Variants in VWDE observed in about 807,000 individuals in gnomAD.
VWDE encodes the protein von Willebrand factor D and EGF domain-containing protein.
Under a neutral mutation model 178.4 loss-of-function variants are expected in VWDE, and 207 were observed. The observed-to-expected ratio is 1.16, with a 90% CI of 1.04 to 1.30. VWDE has a LOEUF of 1.30. VWDE is among the 50% of genes most tolerant of loss of function. The pLI is 0.00. For missense variants in VWDE, 2,287 were observed against 1,901.3 expected, an observed-to-expected ratio of 1.20 and a Z score of -3.77; for synonymous variants, 738 against 651.4, an observed-to-expected ratio of 1.13 and a Z score of -2.02.
intron 13 of VWDE, among the ~76,000 whole-genome samples, chr7:12,363,634 G>A (rs1782698693): frequency 6.6e-6 from 1 of 151,996 alleles, no homozygotes; most frequent in South Asian, 2.1e-4. Context: ...AATATAGTAA[G>A]GATTAACCAG....
chr7:12,402,541 T>C (rs1784951811), intron 1 of VWDE, among the ~76,000 whole-genome samples: 1 of 152,190 alleles, frequency 6.6e-6, no homozygotes, highest in African/African-American at 2.4e-5. Flanking sequence ...ATGCGGTCTA[T>C]AGTAAACATG....
Position 12,370,336 on chromosome 7 carries a change from C to A in VWDE, c.1970G>T (p.Ser657Ile). ...ALGCKDLNHV[S>I]LSSLIPELDV... ...TAGTTCTGGTATCAAAGAAGATAAG[C>A]TGACATGATTGAGGTCTTTGCAACC... The change falls in exon 12 of 29, where the codon AGC (serine) becomes ATC (isoleucine). Residue 657 changes from serine (S) to isoleucine (I), a missense_variant. Transcript: ENST00000275358. 6.4e-7 allele frequency: 1 copy of A among 1,551,202 alleles called. No individual in the cohort carries two copies. Among genetic ancestry groups the A allele is most frequent in the Non-Finnish European group, 8.7e-7 (1 of 1,146,816 alleles).
Position 12,340,421 on chromosome 7 carries a change from A to G in VWDE, c.4271-4T>C. On this transcript the variant is annotated splice_region_variant and splice_polypyrimidine_tract_variant and intron_variant, in intron 23 of 28. Transcript: ENST00000275358. ...AGGCAGACAGGGTCGCACAAAGCTA[A>G]TAAACAGCAGGAGGAAAAGAGAACA... is the stretch of plus-strand genomic sequence containing the variant. 2 of 1,546,758 alleles carry G rather than the reference A, an allele frequency of 1.3e-6. No homozygotes were observed. Among genetic ancestry groups the G allele is most frequent in the African/African-American group, 2.7e-5 (2 of 72,956 alleles).
chr7:12,392,783 G>C (rs998163829), intron 2 of VWDE, among the ~76,000 whole-genome samples: 3 of 145,926 alleles, frequency 2.1e-5, no homozygotes, highest in African/African-American at 7.6e-5. Context: ...TGTAAAAAGA[G>C]TGAACGTTAC....
intron 19 of VWDE, among the ~76,000 whole-genome samples, chr7:12,344,717 C>G (rs1253223610): frequency 1.3e-5 from 2 of 152,006 alleles, no homozygotes; most frequent in Non-Finnish European, 2.9e-5. Context: ...TCTATGTTGC[C>G]AAAGCCAAAA....
At chr7:12,334,148 T>C (rs977893596) in intron 27 of VWDE, among the ~76,000 whole-genome samples, 1 of 152,140 alleles carries the variant, frequency 6.6e-6, no homozygotes, top group Non-Finnish European at 1.5e-5. Context: ...CTATTTATCA[T>C]CTACCTGTAG....
In VWDE at chr7:12,367,426, C is replaced by G. The variant is rs763095843; in HGVS notation, c.2829G>C (p.Met943Ile). 74 of 1,546,710 alleles carry G rather than the reference C, an allele frequency of 4.8e-5. No homozygotes were observed. The highest frequency in any genetic ancestry group is 6.0e-5 in the Non-Finnish European group (69 of 1,144,474). Residue 943 changes from methionine (M) to isoleucine (I), a missense_variant, in exon 13 of 29, where the codon ATG (methionine) becomes ATC (isoleucine). Physicochemically the swap from Met to Ile is conservative, Grantham distance 10 (BLOSUM62 1). Transcript: ENST00000275358. ...GFCDVQKYNC[M>I]MVRVFGKGFK... ...AGCCTTTGCCAAAAACTCTCACCAT[C>G]ATACAATTATATTTTTGAACATCAC...
chr7:12,337,433 T>C (rs139497483), intron 24 of VWDE, among the ~76,000 whole-genome samples, 161 bp from the exon 25 acceptor site: 1,619 of 152,320 alleles, frequency 0.011, 19 homozygotes, highest in Non-Finnish European at 0.015. Flanking sequence ...AATCATGAAA[T>C]GCAATGCTTA....
At chr7:12,334,818 T>C (rs1345067998) in intron 27 of VWDE, among the ~76,000 whole-genome samples, 1 of 152,222 alleles carries the variant, frequency 6.6e-6, no homozygotes, top group Non-Finnish European at 1.5e-5. Context: ...TCTCTTATGG[T>C]CCGCATAGAG....
chr7:12,366,525 A>C (rs944967978), intron 13 of VWDE, among the ~76,000 whole-genome samples: 1 of 152,220 alleles, frequency 6.6e-6, no homozygotes, highest in Non-Finnish European at 1.5e-5. Flanking sequence ...TTATTACTTC[A>C]TTGGGATTAA....
At chr7:12,382,408 G>T (rs1011393802) in intron 4 of VWDE, among the ~76,000 whole-genome samples, 5 of 151,402 alleles carry the variant, frequency 3.3e-5, no homozygotes, top group Admixed American at 2.0e-4. Context: ...TAATTAAACT[G>T]ACCTCCACAT....
At position 12,333,456 on chromosome 7, in the gene VWDE, C is replaced by T. The variant is rs6460929; in HGVS notation, c.4758+9G>A. ...CTAATATTTATTTTCTCTTTAAACTCTGAAATACCTGTATTTTCTTCTCAC... is the reference window on the plus strand; with the variant it reads ...CTAATATTTATTTTCTCTTTAAACTTTGAAATACCTGTATTTTCTTCTCAC... On this transcript the variant is annotated intron_variant, in intron 28 of 28. Coordinates refer to ENST00000275358, the MANE Select transcript of VWDE (RefSeq NM_001135924.3). 905,292 of 1,513,328 alleles carry T rather than the reference C, an allele frequency of 0.6. 275,359 individuals carry two copies. Among genetic ancestry groups the T allele is most frequent in the African/African-American group, 0.9 (64,731 of 72,112 alleles). The allele number at this position is 1,513,328 out of a possible 1,614,324, so 93.7% of individuals were successfully genotyped here.
chr7:12,403,796 T>G lies in VWDE; in HGVS notation c.-80A>C. ...AGGAGGATGGGGCCACAGCAGCCCC[T>G]CGGGCCTCCTTTCTTGGATTTTCTC... is the stretch of plus-strand genomic sequence containing the variant. On this transcript the variant is annotated 5_prime_UTR_variant, in exon 1 of 29. Transcript: ENST00000275358. The G allele has an allele frequency of 6.3e-6, 9 of 1,433,440 alleles. No homozygotes were observed. The highest frequency in any genetic ancestry group is 8.6e-6 in the Non-Finnish European group (9 of 1,045,744). 88.8% of individuals were successfully genotyped at this position (1,433,440 alleles called of 1,614,324 possible).
chr7:12,333,833 C>G (rs1780866585), intron 27 of VWDE: 3 of 288,620 alleles, frequency 1.0e-5, no homozygotes, highest in African/African-American at 4.4e-5. Context: ...ATTTCATTGG[C>G]TACATTTTGA....
At chr7:12,339,568 A>G (rs972161961) in intron 24 of VWDE, among the ~76,000 whole-genome samples, 1 of 152,146 alleles carries the variant, frequency 6.6e-6, no homozygotes, top group Non-Finnish European at 1.5e-5. Context: ...AATCCTAGCC[A>G]ACATCCAAAA....
chr7:12,340,545 T>C (rs1051692575), intron 23 of VWDE, 128 bp from the exon 24 acceptor site: 4 of 621,020 alleles, frequency 6.4e-6, no homozygotes, highest in Admixed American at 3.3e-5. Flanking sequence ...CCATAATGTA[T>C]AATTAATTAG....
At chr7:12,353,537 C>T (rs1273395729) in intron 18 of VWDE, among the ~76,000 whole-genome samples, 3 of 152,202 alleles carry the variant, frequency 2.0e-5, no homozygotes, top group Admixed American at 6.5e-5. Flanking sequence ...AAACCAATCA[C>T]TGGCCAAGTA....
At position 12,361,407 on chromosome 7, in the gene VWDE, C is replaced by G; in HGVS notation, c.3013G>C (p.Asp1005His). 1 of 1,550,956 alleles carries G rather than the reference C, an allele frequency of 6.4e-7. No homozygotes were observed. Among genetic ancestry groups the G allele is most frequent in the Non-Finnish European group, 8.7e-7 (1 of 1,146,620 alleles). ...PTDVQQFDTM[D>H]LVGGKPTGKW... ...CCAGTTGGTTTCCCACCCACCAGAT[C>G]CATGGTATCAAACTGCTGAACATCA... The change falls in exon 14 of 29, where the codon GAT becomes CAT. Residue 1005 changes from aspartate (D) to histidine (H), a missense_variant. By Grantham distance (81) the Asp-to-His change is moderately conservative. Coordinates refer to ENST00000275358, the MANE Select transcript of VWDE (RefSeq NM_001135924.3).
intron 3 of VWDE, among the ~76,000 whole-genome samples, chr7:12,387,875 G>A (rs1335466083): frequency 6.7e-6 from 1 of 149,586 alleles, no homozygotes; most frequent in Non-Finnish European, 1.5e-5. Flanking sequence ...ATTGGGGTTT[G>A]AGATTCACAA....
Sources: gnomAD v4.1 joint callset for allele counts (sites outside exome capture counted in the v4.1 genomes callset) on GRCh38, gnomAD v4.1.1 for gene constraint, MANE v1.5 for transcripts, NCBI Gene and HGNC (gene_info 2026-07-23, HGNC 2026-07-21) for gene names.